Variants in CSMD1 observed in about 807,000 individuals in gnomAD.
The protein encoded by CSMD1 is CUB and Sushi multiple domains 1, also known as CUB and sushi domain-containing protein 1.
A neutral mutation model predicts 417.5 loss-of-function variants in CSMD1; 213 were observed. That is an observed-to-expected ratio of 0.51 (90% CI 0.46 to 0.57). The LOEUF is 0.57. Among genes scored for constraint, CSMD1 ranks in the 20% least tolerant of loss-of-function variants. CSMD1 has a pLI of 0.00. For synonymous variants in CSMD1, 2,862 were observed against 1,736.8 expected (o/e 1.65, Z -16.11); for missense variants, 6,923 against 4,529.7 (o/e 1.53, Z -15.17).
At chr8:4,236,689 T>G (rs571002464) in intron 3 of CSMD1, among the ~76,000 whole-genome samples, 1 of 152,328 alleles carries the variant, frequency 6.6e-6, no homozygotes, top group Non-Finnish European at 1.5e-5. Flanking sequence ...CTTCAAGCTT[T>G]GGTCCCTTCA....
chr8:4,778,606 G>A (rs1332519565), intron 1 of CSMD1, among the ~76,000 whole-genome samples: 1 of 152,196 alleles, frequency 6.6e-6, no homozygotes, highest in Non-Finnish European at 1.5e-5. Flanking sequence ...GTCATGTGCA[G>A]GTCCTACTTC....
intron 1 of CSMD1, among the ~76,000 whole-genome samples, chr8:4,972,071 C>T (rs1211731618): frequency 6.6e-6 from 1 of 152,020 alleles, no homozygotes; most frequent in Non-Finnish European, 1.5e-5. Flanking sequence ...GTAAGCGATA[C>T]CATACCCGTT....
chr8:4,524,142 C>G (rs1004210682), intron 2 of CSMD1, among the ~76,000 whole-genome samples: 1 of 151,826 alleles, frequency 6.6e-6, no homozygotes. Context: ...GAAATCCAGA[C>G]CTATGCATCA....
rs777698127 is a variant in CSMD1, at chr8:3,230,125, G to C, written c.4260C>G (p.Gly1420=). The change falls in exon 27 of 70, where the codon GGC becomes GGG. Residue 1420 remains glycine, a synonymous_variant. Coordinates refer to ENST00000635120, the MANE Select transcript of CSMD1 (RefSeq NM_033225.6). ...TTTTGGCTTGTCCTTGGAGCTGATA[G>C]CCAGGGTCACACTGGAATGTGACGG... ...GDTVTFQCDP[G]YQLQGQAKIT... 141 of 1,613,624 alleles carry C rather than the reference G, an allele frequency of 8.7e-5. No homozygotes were observed. Among genetic ancestry groups the C allele is most frequent in the Middle Eastern group, 1.6e-4 (1 of 6,084 alleles).
chr8:3,844,042 G>C (rs974923398), intron 5 of CSMD1, among the ~76,000 whole-genome samples: 1 of 152,242 alleles, frequency 6.6e-6, no homozygotes, highest in East Asian at 1.9e-4. Context: ...ATGGCACAAT[G>C]TTAATATAAT....
chr8:4,247,698 A>C (rs1802797230), intron 3 of CSMD1, among the ~76,000 whole-genome samples: 1 of 152,140 alleles, frequency 6.6e-6, no homozygotes, highest in African/African-American at 2.4e-5. Context: ...CTGCATTTTT[A>C]TTTTGGTACA....
intron 1 of CSMD1, among the ~76,000 whole-genome samples, chr8:4,767,196 T>C (rs1812524369): frequency 1.3e-5 from 2 of 152,190 alleles, no homozygotes; most frequent in African/African-American, 4.8e-5. Flanking sequence ...CTTAGCTTAT[T>C]GAAGGCCATA....
chr8:4,736,243 T>G (rs1427697809), intron 1 of CSMD1, among the ~76,000 whole-genome samples: 1 of 152,176 alleles, frequency 6.6e-6, no homozygotes, highest in Admixed American at 6.5e-5. Context: ...AAAAGAGACG[T>G]AAAAGTTCTC....
intron 7 of CSMD1, among the ~76,000 whole-genome samples, chr8:3,662,830 G>T (rs997931757): frequency 1.3e-5 from 2 of 152,034 alleles, no homozygotes; most frequent in Non-Finnish European, 2.9e-5. Context: ...ACACACCAGG[G>T]CCTGTCGGTG....
chr8:3,966,571 G>A (rs1201302946), intron 5 of CSMD1, among the ~76,000 whole-genome samples: 1 of 151,960 alleles, frequency 6.6e-6, no homozygotes, highest in Non-Finnish European at 1.5e-5. Context: ...TTTCTTTTCT[G>A]TAAACATTGG....
chr8:3,084,039 T>C (rs1338110672), intron 49 of CSMD1, among the ~76,000 whole-genome samples: 2 of 152,038 alleles, frequency 1.3e-5, no homozygotes, highest in African/African-American at 2.4e-5. Flanking sequence ...TGTTGTCATT[T>C]CTCCTTGGGT....
intron 2 of CSMD1, among the ~76,000 whole-genome samples, chr8:4,425,860 T>A (rs1237265838): frequency 6.6e-6 from 1 of 152,108 alleles, no homozygotes; most frequent in African/African-American, 2.4e-5. Context: ...ACGTTACTGA[T>A]AAACTTTGAA....
intron 49 of CSMD1, among the ~76,000 whole-genome samples, chr8:3,055,785 GT>G (rs1363400731): frequency 6.6e-6 from 1 of 152,090 alleles, no homozygotes; most frequent in African/African-American, 2.4e-5. Flanking sequence ...GTTAAATTTT[GT>G]TTGGGAGCAC....
intron 21 of CSMD1, among the ~76,000 whole-genome samples, chr8:3,352,899 A>G (rs1253014026): frequency 6.6e-6 from 1 of 152,148 alleles, no homozygotes; most frequent in African/African-American, 2.4e-5. Flanking sequence ...ATGGGGGTAT[A>G]TAACAAAACA....
chr8:3,645,158 A>G (rs895705352), intron 7 of CSMD1, among the ~76,000 whole-genome samples: 6 of 152,006 alleles, frequency 3.9e-5, no homozygotes, highest in African/African-American at 1.5e-4. Flanking sequence ...ATAAGATCAA[A>G]TCACCATTTC....
In CSMD1 at chr8:4,893,584, T is replaced by A. The variant is rs528640020; in HGVS notation, c.85+100748A>T. On this transcript the variant is annotated intron_variant, in intron 1 of 69. Coordinates refer to ENST00000635120, the MANE Select transcript of CSMD1 (RefSeq NM_033225.6). ...TGACAATTCTTTTGTAAATGTGTGA[T>A]GTATTTACATAAATTACATTTTCTG... Among the ~76,000 whole-genome samples the A allele has an allele frequency of 2.0e-5, 3 of 152,180 alleles. No individual in the cohort carries two copies. In the South Asian group the frequency reaches 6.2e-4, roughly 31 times the overall value.
At chr8:4,795,235 G>A (rs1314910993) in intron 1 of CSMD1, among the ~76,000 whole-genome samples, 1 of 132,446 alleles carries the variant, frequency 7.6e-6, no homozygotes, top group Non-Finnish European at 1.6e-5. Context: ...ACATTTCTAG[G>A]TCTGCTGGTG....
Position 3,773,930 on chromosome 8 carries a change from G to C in CSMD1, c.819-19888C>G, listed in dbSNP as rs370129711. On this transcript the variant is annotated intron_variant, in intron 5 of 69. Coordinates refer to ENST00000635120, the MANE Select transcript of CSMD1 (RefSeq NM_033225.6). Reference sequence around the variant, plus strand: ...GGGGACCTGTGAGGTTGAGTAATTTGCATGACATTGCACAGCTAACAGGAG... The same window carrying C: ...GGGGACCTGTGAGGTTGAGTAATTTCCATGACATTGCACAGCTAACAGGAG... 4.9e-4 allele frequency among the ~76,000 whole-genome samples: 75 copies of C among 152,156 alleles called. 1 individual carries two copies. The South Asian group carries it at 0.012, about 24-fold the overall frequency.
chr8:3,182,693 G>GTGT (rs1296167141), intron 36 of CSMD1, among the ~76,000 whole-genome samples: 1 of 122,896 alleles, frequency 8.1e-6, no homozygotes, highest in Non-Finnish European at 1.8e-5. Context: ...GTGTGTGTGT[G>GTGT]TATGTGTGTG....
Sources: allele counts gnomAD v4.1 joint callset (sites outside exome capture counted in the v4.1 genomes callset), GRCh38; gene constraint gnomAD v4.1.1; transcripts MANE v1.5; gene names NCBI Gene and HGNC (gene_info 2026-07-23, HGNC 2026-07-21).